The following NOS1 variants were observed in gnomAD, a reference collection of about 807,000 sequenced individuals.
The protein encoded by NOS1 is NOS type I.
A neutral mutation model predicts 164.5 loss-of-function variants in NOS1; 51 were observed. That is an observed-to-expected ratio of 0.31 (90% CI 0.25 to 0.39). The LOEUF is 0.39. Among genes scored for constraint, NOS1 ranks in the 10% least tolerant of loss-of-function variants. The pLI, the probability that NOS1 is intolerant of heterozygous loss-of-function variation, is 1.00. For synonymous variants in NOS1, 719 were observed against 745.8 expected (o/e 0.96, Z 0.59); for missense variants, 1,362 against 1,885.6 (o/e 0.72, Z 5.14).
intron 1 of NOS1, among the ~76,000 whole-genome samples, chr12:117,337,104 C>CTATTTTTTTTTTTTTTTTTTTTTTTT (rs1566082153): frequency 1.1e-5 from 1 of 94,074 alleles, no homozygotes. Flanking sequence ...CTGCTTTTTA[C>CTATTTTTTTTTTTTTTTTTTTTTTTT]TCTTTTTTTT....
At chr12:117,352,215 G>A (rs200701853) in intron 1 of NOS1, among the ~76,000 whole-genome samples, 5 of 130,272 alleles carry the variant, frequency 3.8e-5, no homozygotes, top group East Asian at 5.8e-4. Context: ...ATACATACAT[G>A]CATACATAAT....
rs781747122 is a variant in NOS1, at chr12:117,272,402, G to A, written c.1822C>T (p.Arg608Cys). ...GCCCTTACCTCCAGGATATTGTAGC[G>A]GGAGTTGTCACAGTAGTCGCGGACA... is the stretch of plus-strand genomic sequence containing the variant. ...IGVRDYCDNS[R>C]YNILEEVAKK... The change falls in exon 10 of 29, where the codon CGC becomes TGC. Residue 608 changes from arginine (R) to cysteine (C), a missense_variant. Around this residue, in one of 4 missense-constraint regions of NOS1, gnomAD observed 134 missense variants for 267.3 expected, o/e 0.50. Coordinates refer to ENST00000317775, the MANE Select transcript of NOS1 (RefSeq NM_000620.5). The surrounding 1 kb of genome is among the most constrained non-coding windows in gnomAD (Gnocchi z 4.3). 2 of 1,614,120 alleles carry A rather than the reference G, an allele frequency of 1.2e-6. No individual in the cohort carries two copies. The highest frequency in any genetic ancestry group is 1.7e-6 in the Non-Finnish European group (2 of 1,180,020).
At chr12:117,347,462 G>A (rs567755050) in intron 1 of NOS1, among the ~76,000 whole-genome samples, 1 of 152,230 alleles carries the variant, frequency 6.6e-6, no homozygotes, top group South Asian at 2.1e-4. Flanking sequence ...TCCCCCTTTA[G>A]GTGGGGCATG....
chr12:117,214,223 T>A lies in NOS1; in HGVS notation c.*1086A>T. ...AAAAAAATAATAATCATATTGTTAC[T>A]TGATATTGTTTCCAGGCACCAAAGC... On this transcript the variant is annotated 3_prime_UTR_variant, in exon 29 of 29. Transcript: ENST00000317775. The A allele has an allele frequency of 1.0e-6, 1 of 985,416 alleles. No individual in the cohort carries two copies. The highest frequency in any genetic ancestry group is 1.2e-6 in the Non-Finnish European group (1 of 829,902). The allele number at this position is 985,416 out of a possible 1,614,324, so 61.0% of individuals were successfully genotyped here.
intron 2 of NOS1, among the ~76,000 whole-genome samples, chr12:117,318,886 G>A (rs1016111403): frequency 6.6e-6 from 1 of 152,300 alleles, no homozygotes; most frequent in East Asian, 1.9e-4. Flanking sequence ...GGCCCTGCAT[G>A]CTCCAACAGC....
At position 117,343,028 on chromosome 12, in the gene NOS1, C is replaced by T. The variant is rs76108567; in HGVS notation, c.-420-11539G>A. ...TGAAGGATTTCCTGAGAGAGGGAAA[C>T]CTGAACAATGGGGTAAAAATAGGGT... is the stretch of plus-strand genomic sequence containing the variant. On this transcript the variant is annotated intron_variant, in intron 1 of 28. Coordinates refer to ENST00000317775, the MANE Select transcript of NOS1 (RefSeq NM_000620.5). 7.2e-3 allele frequency among the ~76,000 whole-genome samples: 1,102 copies of T among 152,052 alleles called. 14 individuals carry two copies. The highest frequency in any genetic ancestry group is 0.037 in the East Asian group (189 of 5,174).
chr12:117,322,978 C>T (rs1173018085), intron 2 of NOS1, among the ~76,000 whole-genome samples: 1 of 149,418 alleles, frequency 6.7e-6, no homozygotes, highest in African/African-American at 2.5e-5. Flanking sequence ...GAATGTGGTG[C>T]TTAAATGGTG....
intron 1 of NOS1, among the ~76,000 whole-genome samples, chr12:117,335,455 G>A (rs1248582466): frequency 1.3e-5 from 2 of 152,122 alleles, no homozygotes; most frequent in African/African-American, 2.4e-5. Flanking sequence ...GTGGCTTCGG[G>A]TGTATTTATT....
intron 8 of NOS1, 23 bp downstream of exon 8, chr12:117,280,702 G>A (rs1475979073): frequency 1.0e-5 from 16 of 1,607,950 alleles, no homozygotes; most frequent in African/African-American, 6.7e-5. Context: ...TTGGGGCAGG[G>A]TAGGGGGCGG....
At chr12:117,252,634 G>C (rs1871183428) in intron 17 of NOS1, among the ~76,000 whole-genome samples, 1 of 152,230 alleles carries the variant, frequency 6.6e-6, no homozygotes, top group South Asian at 2.1e-4. Context: ...ATGCTGATAG[G>C]AGGAGAGACT....
At chr12:117,345,068 G>C (rs1876287800) in intron 1 of NOS1, among the ~76,000 whole-genome samples, 1 of 137,866 alleles carries the variant, frequency 7.3e-6, no homozygotes. Flanking sequence ...GTCTCACTCT[G>C]TTGCCCAGGC....
intron 9 of NOS1, among the ~76,000 whole-genome samples, chr12:117,273,565 T>C (rs1161479936): frequency 6.6e-6 from 1 of 152,214 alleles, no homozygotes; most frequent in Non-Finnish European, 1.5e-5. Context: ...AAGTTTACTT[T>C]TGCCATTAAA....
At chr12:117,279,473 C>T (rs1873457506) in intron 8 of NOS1, among the ~76,000 whole-genome samples, 1 of 152,168 alleles carries the variant, frequency 6.6e-6, no homozygotes, top group Non-Finnish European at 1.5e-5. Flanking sequence ...TCTCTTATGG[C>T]ACATCTCAAC....
intron 3 of NOS1, among the ~76,000 whole-genome samples, chr12:117,296,231 A>C (rs1453289152): frequency 6.6e-6 from 1 of 152,196 alleles, no homozygotes. Flanking sequence ...ATGAGACTGC[A>C]TTCTGTCCTT....
At chr12:117,302,332 C>A (rs182670141) in intron 3 of NOS1, among the ~76,000 whole-genome samples, 1 of 152,120 alleles carries the variant, frequency 6.6e-6, no homozygotes, top group Non-Finnish European at 1.5e-5. Context: ...CGGTGGCTCA[C>A]GCCTGTAATC....
intron 1 of NOS1, among the ~76,000 whole-genome samples, chr12:117,347,646 T>G (rs970308156): frequency 6.6e-6 from 1 of 152,236 alleles, no homozygotes; most frequent in Non-Finnish European, 1.5e-5. Context: ...GCATGCTCAG[T>G]GACTTGGGTC....
chr12:117,308,663 C>T (rs575943645), intron 3 of NOS1, among the ~76,000 whole-genome samples: 111 of 150,898 alleles, frequency 7.4e-4, no homozygotes, highest in Middle Eastern at 3.4e-3. Flanking sequence ...GTAGCATGAT[C>T]TTGGCTGACT....
At chr12:117,250,231 C>G (rs1870983469) in intron 17 of NOS1, among the ~76,000 whole-genome samples, 2 of 152,030 alleles carry the variant, frequency 1.3e-5, no homozygotes, top group African/African-American at 2.4e-5. Context: ...CATATTGTAA[C>G]ATTTCATCTT....
rs1876865746 is a variant in NOS1, at chr12:117,356,649, C to A, written c.-421+4863G>T. Among the ~76,000 whole-genome samples the A allele has an allele frequency of 6.6e-6, 1 of 152,230 alleles. No homozygotes were observed. The highest frequency in any genetic ancestry group is 1.5e-5 in the Non-Finnish European group (1 of 68,050). On this transcript the variant is annotated intron_variant, in intron 1 of 28. Coordinates refer to ENST00000317775, the MANE Select transcript of NOS1 (RefSeq NM_000620.5). The surrounding 1 kb of genome is among the most constrained non-coding windows in gnomAD (Gnocchi z 4.2). ...ACACATACAATAAATGTGCTGACGT[C>A]TGCTGCCGAACAGCCCACGATAACT...
Sources: allele counts gnomAD v4.1 joint callset (sites outside exome capture counted in the v4.1 genomes callset), GRCh38; gene constraint gnomAD v4.1.1; regional missense constraint gnomAD v4.1.1; non-coding constraint Gnocchi (gnomAD v3.1); transcripts MANE v1.5; gene names NCBI Gene and HGNC (gene_info 2026-07-23, HGNC 2026-07-21).